Variants in PWWP2A observed in about 807,000 individuals in gnomAD.
PWWP2A encodes the protein PWWP domain-containing protein 2A.
A neutral mutation model predicts 48.5 loss-of-function variants in PWWP2A; 18 were observed. The observed-to-expected ratio is 0.37, with a 90% CI of 0.26 to 0.55. PWWP2A has a LOEUF of 0.55. Among genes scored for constraint, PWWP2A ranks in the 20% least tolerant of loss-of-function variants. The pLI, the probability that PWWP2A is intolerant of heterozygous loss-of-function variation, is 0.81. For missense variants in PWWP2A, 867 were observed against 976.4 expected, an observed-to-expected ratio of 0.89 and a Z score of 1.49; for synonymous variants, 396 against 387.7, an observed-to-expected ratio of 1.02 and a Z score of -0.25.
chr5:160,112,896 A>C (rs1757732833), intron 1 of PWWP2A, among the ~76,000 whole-genome samples: 1 of 152,104 alleles, frequency 6.6e-6, no homozygotes, highest in Non-Finnish European at 1.5e-5. Context: ...GGTGGCTCAC[A>C]CCTGTAATCC....
rs1009875098 is a variant in PWWP2A at position 160,077,016 on chromosome 5, T to G, written c.*1139A>C. 6.6e-6 allele frequency: 1 copy of G among 152,204 alleles called. No homozygotes were observed. Among genetic ancestry groups the G allele is most frequent in the East Asian group, 1.9e-4 (1 of 5,190 alleles). 9.4% of individuals were successfully genotyped at this position (152,204 alleles called of 1,614,324 possible). A position where few individuals can be genotyped will look rare whatever the true frequency, so the allele number is the denominator to read the frequency against. ...ATGTAGTACTAACAGGTCCATCTGG[T>G]TTTCTCATGTTTTCTCCATTCATTA... On this transcript the variant is annotated 3_prime_UTR_variant, in exon 4 of 4. Transcript: ENST00000456329. This position sits in a 1 kb window ranked among gnomAD's most constrained non-coding sequence, Gnocchi z 4.2.
At chr5:160,069,109 A>G (rs1240930104) in intron 2 of PWWP2A, among the ~76,000 whole-genome samples, 4 of 151,998 alleles carry the variant, frequency 2.6e-5, no homozygotes, top group Non-Finnish European at 5.9e-5. Context: ...CCTGAGCAAT[A>G]TGGTGAAACC....
At chr5:160,045,520 A>ACACACACACACTCT in the PWWP2A span, among the ~76,000 whole-genome samples, 13 of 54,882 alleles carry the variant, frequency 2.4e-4, no homozygotes, top group Non-Finnish European at 3.3e-4. Context: ...ACACATACAC[A>ACACACACACACTCT]CTCTCTCTCT....
At chr5:160,051,843 G>T in the PWWP2A span, among the ~76,000 whole-genome samples, 2 of 152,174 alleles carry the variant, frequency 1.3e-5, no homozygotes, top group Non-Finnish European at 2.9e-5. Flanking sequence ...CTGATATTTC[G>T]CTGGTGAAGA....
At chr5:160,070,199 G>A (rs1753709497) in intron 2 of PWWP2A, among the ~76,000 whole-genome samples, 1 of 152,044 alleles carries the variant, frequency 6.6e-6, no homozygotes, top group Non-Finnish European at 1.5e-5. Context: ...GGGTGCAGTG[G>A]CTCACACCTG....
chr5:160,105,719 G>GGTGCGATCTTGGCTCACTGT, intron 1 of PWWP2A: 1 of 913,108 alleles, frequency 1.1e-6, no homozygotes, highest in Non-Finnish European at 1.3e-6. Context: ...AGGTTACAGT[G>GGTGCGATCTTGGCTCACTGT]AGCCAAGATC....
chr5:160,102,301 G>A (rs1186175055), intron 1 of PWWP2A, among the ~76,000 whole-genome samples: 2 of 150,514 alleles, frequency 1.3e-5, no homozygotes, highest in Non-Finnish European at 2.9e-5. Flanking sequence ...CCAGCTACTT[G>A]GGAGGCTGAG....
intron 1 of PWWP2A, among the ~76,000 whole-genome samples, chr5:160,117,425 C>A (rs150381827): frequency 6.6e-6 from 1 of 152,176 alleles, no homozygotes; most frequent in Non-Finnish European, 1.5e-5. Flanking sequence ...GAGGCTGAGG[C>A]GGGTGGATAA....
chr5:160,049,605 C>G, the PWWP2A span: 1 of 1,609,868 alleles, frequency 6.2e-7, no homozygotes, highest in Non-Finnish European at 8.5e-7. Flanking sequence ...CCCTGGAAGA[C>G]TATAAATCTA....
exon 5 of PWWP2A, chr5:160,063,667 A>C (rs969614074): frequency 6.6e-6 from 1 of 152,226 alleles, no homozygotes; most frequent in Admixed American, 6.5e-5. Context: ...CTCCACTGGA[A>C]GTAGACCTGT....
Position 160,092,511 on chromosome 5 carries a change from T to C in PWWP2A, c.2139A>G (p.Leu713=). ...FLALSQLSPF[L]ENFQSRFNKK... ...TATTAAAGCGTGACTGGAAGTTTTC[T>C]AAAAAGGGGGAGAGTTGTGAAAGAG... The change falls in exon 2 of 2, where the codon TTA becomes TTG. Residue 713 remains leucine (L), a synonymous_variant. Transcript: ENST00000307063. The C allele has an allele frequency of 6.4e-7, 1 of 1,551,590 alleles. No homozygotes were observed. Among genetic ancestry groups the C allele is most frequent in the East Asian group, 2.4e-5 (1 of 40,910 alleles).
the PWWP2A span, among the ~76,000 whole-genome samples, chr5:160,048,126 CTTTT>C: frequency 8.4e-5 from 3 of 35,570 alleles, no homozygotes; most frequent in African/African-American, 2.4e-4. Context: ...CAAGACATTG[CTTTT>C]TTTTTTTTTT....
intron 2 of PWWP2A, among the ~76,000 whole-genome samples, chr5:160,085,828 T>TTG (rs1561659498): frequency 6.7e-6 from 1 of 148,972 alleles, no homozygotes; most frequent in Admixed American, 6.7e-5. Context: ...TTCTTTTTTT[T>TTG]TTTGTTTTGA....
chr5:160,101,596 CAAT>C (rs1337419382), intron 1 of PWWP2A, among the ~76,000 whole-genome samples: 1 of 151,584 alleles, frequency 6.6e-6, no homozygotes, highest in Non-Finnish European at 1.5e-5. Context: ...TGTTTCACAA[CAAT>C]GTGAATGTAC....
downstream of PWWP2A, among the ~76,000 whole-genome samples, chr5:160,072,252 T>C (rs1436656191): frequency 1.3e-5 from 2 of 152,028 alleles, no homozygotes; most frequent in Non-Finnish European, 2.9e-5. Context: ...CTTCTGAAAA[T>C]GAAAAATTGA....
chr5:160,066,715 A>AT (rs1201899715), intron 3 of PWWP2A: 1 of 152,126 alleles, frequency 6.6e-6, no homozygotes, highest in Non-Finnish European at 1.5e-5. Context: ...CCCTTTGAAA[A>AT]ATAACATGTT....
At chr5:160,045,519 C>CAT in the PWWP2A span, among the ~76,000 whole-genome samples, 3 of 112,162 alleles carry the variant, frequency 2.7e-5, no homozygotes, top group African/African-American at 3.8e-5. Context: ...CACACATACA[C>CAT]ACTCTCTCTC....
At chr5:160,045,506 ACACACACATACACACTCTCTCT>A in the PWWP2A span, among the ~76,000 whole-genome samples, 2 of 87,856 alleles carry the variant, frequency 2.3e-5, no homozygotes, top group African/African-American at 9.2e-5. Flanking sequence ...ACACACACAC[ACACACACATACACACTCTCTCT>A]CTCTCTCTCT....
chr5:160,090,145 T>C (rs966253920), downstream of PWWP2A: 1 of 985,200 alleles, frequency 1.0e-6, no homozygotes, highest in Admixed American at 6.1e-5. Context: ...CAAAACTGAT[T>C]GTTATTTTTA....
Sources: allele counts gnomAD v4.1 joint callset (sites outside exome capture counted in the v4.1 genomes callset), GRCh38; gene constraint gnomAD v4.1.1; non-coding constraint Gnocchi (gnomAD v3.1); transcripts MANE v1.5; gene names NCBI Gene and HGNC (gene_info 2026-07-23, HGNC 2026-07-21).